The following THRB variants were observed in gnomAD, a reference collection of about 807,000 sequenced individuals.
THRB encodes the protein thyroid hormone receptor beta, also known as nuclear receptor subfamily 1 group A member 2.
In THRB, 12 loss-of-function variants were observed where a neutral mutation model predicts 47.8. The observed-to-expected ratio is 0.25, with a 90% CI of 0.16 to 0.41. The LOEUF is 0.41. Ranked by LOEUF, THRB falls within the 10% of genes least tolerant of loss-of-function variation. THRB has a pLI of 1.00. For missense variants in THRB, 348 were observed against 589.2 expected, an observed-to-expected ratio of 0.59 and a Z score of 4.24; for synonymous variants, 218 against 212.2, an observed-to-expected ratio of 1.03 and a Z score of -0.24.
chr3:24,183,279 A>G (rs2042131509), intron 5 of THRB, among the ~76,000 whole-genome samples: 1 of 151,710 alleles, frequency 6.6e-6, no homozygotes, highest in Non-Finnish European at 1.5e-5. Context: ...ATCATTGTTT[A>G]GTCTCTCCTA....
chr3:24,315,642 G>A (rs2058066310), intron 2 of THRB, among the ~76,000 whole-genome samples: 2 of 152,270 alleles, frequency 1.3e-5, no homozygotes, highest in Middle Eastern at 3.4e-3. Flanking sequence ...CTAGTGAAAT[G>A]AGACTCCTAT....
chr3:24,196,439 T>C (rs796570158), intron 4 of THRB, among the ~76,000 whole-genome samples: 2 of 152,216 alleles, frequency 1.3e-5, no homozygotes, highest in African/African-American at 4.8e-5. Flanking sequence ...ACCAAATAGG[T>C]TTATATATAA....
At chr3:24,247,815 G>T (rs1000254507) in intron 3 of THRB, among the ~76,000 whole-genome samples, 1 of 152,084 alleles carries the variant, frequency 6.6e-6, no homozygotes, top group Admixed American at 6.6e-5. Context: ...AAGGTCCTAA[G>T]AATTTTCTAC....
intron 2 of THRB, among the ~76,000 whole-genome samples, chr3:24,336,866 C>T (rs550170871): frequency 7.8e-4 from 119 of 152,026 alleles, no homozygotes; most frequent in Non-Finnish European, 1.4e-3. Flanking sequence ...GGACTACAGG[C>T]GCCCACCACC....
chr3:24,196,939 T>C (rs549530992), intron 4 of THRB, among the ~76,000 whole-genome samples: 1 of 152,340 alleles, frequency 6.6e-6, no homozygotes, highest in South Asian at 2.1e-4. Flanking sequence ...CTTGAAGCAA[T>C]CCATCCACCC....
intron 1 of THRB, among the ~76,000 whole-genome samples, chr3:24,356,362 A>G (rs972212941): frequency 3.9e-5 from 6 of 152,102 alleles, no homozygotes; most frequent in Admixed American, 1.3e-4. Flanking sequence ...TGAAACTGAG[A>G]TGGTGGCCCT....
intron 3 of THRB, among the ~76,000 whole-genome samples, chr3:24,280,351 C>A (rs372085078): frequency 1.3e-5 from 2 of 152,136 alleles, no homozygotes; most frequent in East Asian, 3.9e-4. Flanking sequence ...TGGCCAGGTA[C>A]TCCAACAGAC....
At chr3:24,407,006 G>T (rs1487180418) in intron 1 of THRB, among the ~76,000 whole-genome samples, 1 of 151,858 alleles carries the variant, frequency 6.6e-6, no homozygotes, top group Non-Finnish European at 1.5e-5. Flanking sequence ...CTTAATCCAT[G>T]ATATTAGCAC....
chr3:24,468,027 A>T (rs2074286793), intron 1 of THRB, among the ~76,000 whole-genome samples: 1 of 152,216 alleles, frequency 6.6e-6, no homozygotes, highest in African/African-American at 2.4e-5. Context: ...TCTTAGCTAC[A>T]TCTTCTGGAT....
intron 1 of THRB, among the ~76,000 whole-genome samples, chr3:24,388,183 G>A (rs2066283939): frequency 6.6e-6 from 1 of 152,078 alleles, no homozygotes. Context: ...CCAGTGATTG[G>A]TTCATGCCAA....
At chr3:24,145,585 A>G (rs1053355488) in intron 7 of THRB, among the ~76,000 whole-genome samples, 1 of 152,222 alleles carries the variant, frequency 6.6e-6, no homozygotes, top group Non-Finnish European at 1.5e-5. Context: ...AAGATAAAGA[A>G]AATACTCAGC....
intron 1 of THRB, among the ~76,000 whole-genome samples, chr3:24,407,537 G>T (rs550477976): frequency 6.6e-6 from 1 of 151,806 alleles, no homozygotes; most frequent in Non-Finnish European, 1.5e-5. Flanking sequence ...ATTTGTAAAA[G>T]AATGAAATAA....
intron 4 of THRB, among the ~76,000 whole-genome samples, chr3:24,204,603 C>G (rs552411577): frequency 2.6e-5 from 4 of 152,308 alleles, no homozygotes; most frequent in South Asian, 2.1e-4. Context: ...CTCCTCTCCC[C>G]CTCCAAAGGA....
At chr3:24,233,560 G>GAAGAAAGAAAGAGAAAGAGAAAGA (rs1553658177) in intron 3 of THRB, among the ~76,000 whole-genome samples, 1 of 77,302 alleles carries the variant, frequency 1.3e-5, no homozygotes, top group South Asian at 5.5e-4. Flanking sequence ...AAAGAAAAAG[G>GAAGAAAGAAAGAGAAAGAGAAAGA]AAGAAAGAAA....
chr3:24,478,949 T>C (rs951591294), intron 1 of THRB, among the ~76,000 whole-genome samples: 15 of 151,932 alleles, frequency 9.9e-5, no homozygotes, highest in Admixed American at 3.3e-4. Context: ...TGGCAGGGGA[T>C]AGGGGGAGCA....
At chr3:24,445,979 C>T (rs1395647477) in intron 1 of THRB, among the ~76,000 whole-genome samples, 6 of 152,048 alleles carry the variant, frequency 3.9e-5, no homozygotes, top group Non-Finnish European at 1.5e-5. Context: ...TTTGTCCAGA[C>T]CATAATTGTG....
chr3:24,324,063 C>T (rs1160603293), intron 2 of THRB, among the ~76,000 whole-genome samples: 1 of 152,138 alleles, frequency 6.6e-6, no homozygotes, highest in Non-Finnish European at 1.5e-5. Context: ...CCTTGGATAC[C>T]ACCCCTGTGG....
intron 3 of THRB, among the ~76,000 whole-genome samples, chr3:24,258,970 T>C (rs2051622929): frequency 6.6e-6 from 1 of 152,060 alleles, no homozygotes. Context: ...TATTTTTAGA[T>C]GTGGAAATGG....
intron 2 of THRB, among the ~76,000 whole-genome samples, chr3:24,324,614 C>A (rs1261132104): frequency 6.6e-6 from 1 of 152,198 alleles, no homozygotes; most frequent in Non-Finnish European, 1.5e-5. Context: ...TCAACTTCTA[C>A]TCTCTTTGAA....
Sources: allele counts gnomAD v4.1 joint callset (sites outside exome capture counted in the v4.1 genomes callset), GRCh38; gene constraint gnomAD v4.1.1; transcripts MANE v1.5; gene names NCBI Gene and HGNC (gene_info 2026-07-23, HGNC 2026-07-21).